The following SLIT3 variants were observed in gnomAD, a reference collection of about 807,000 sequenced individuals.
The protein encoded by SLIT3 is slit homolog 3 protein.
SLIT3 carries 68 observed loss-of-function variants against 184.0 expected under a neutral mutation model. The observed-to-expected ratio is 0.37, with a 90% confidence interval of 0.30 to 0.45. The LOEUF is 0.45. Among genes scored for constraint, SLIT3 ranks in the 20% least tolerant of loss-of-function variants. The pLI, the probability that SLIT3 is intolerant of heterozygous loss-of-function variation, is 1.00. For missense variants in SLIT3, 1,707 were observed against 2,026.0 expected, an observed-to-expected ratio of 0.84 and a Z score of 3.02; for synonymous variants, 831 against 828.6, an observed-to-expected ratio of 1.00 and a Z score of -0.05.
chr5:169,115,946 C>T (rs1175931396), intron 4 of SLIT3, among the ~76,000 whole-genome samples: 1 of 152,152 alleles, frequency 6.6e-6, no homozygotes, highest in Admixed American at 6.5e-5. Flanking sequence ...GACAACAGTC[C>T]TTGCCCTTAG....
At chr5:169,205,644 C>A (rs1351609565) in intron 3 of SLIT3, among the ~76,000 whole-genome samples, 1 of 152,192 alleles carries the variant, frequency 6.6e-6, no homozygotes, top group African/African-American at 2.4e-5. Flanking sequence ...ATCTACTCCA[C>A]TTATCTAACA....
At position 169,035,388 on chromosome 5, in the gene SLIT3, G is replaced by T. The variant is rs1168579664; in HGVS notation, c.414-152052C>A. ...ATTTAGGCCAGGCACAGTGGCTCAC[G>T]CCTGTAATCCCAAAACTTTGGGAGG... On this transcript the variant is annotated intron_variant, in intron 4 of 35. Coordinates refer to ENST00000519560, the MANE Select transcript of SLIT3 (RefSeq NM_003062.4). Among the ~76,000 whole-genome samples, 3 of 151,988 alleles carry T rather than the reference G, an allele frequency of 2.0e-5. No individual in the cohort carries two copies. The East Asian group carries it at 5.8e-4, about 29-fold the overall frequency.
At chr5:168,699,367 A>G (rs1762151061) in intron 27 of SLIT3, among the ~76,000 whole-genome samples, 2 of 152,172 alleles carry the variant, frequency 1.3e-5, no homozygotes, top group African/African-American at 4.8e-5. Flanking sequence ...ACACCCACAC[A>G]TGGCTTGGCA....
At chr5:168,929,708 G>T (rs1761931336) in intron 4 of SLIT3, among the ~76,000 whole-genome samples, 2 of 152,240 alleles carry the variant, frequency 1.3e-5, no homozygotes, top group Non-Finnish European at 2.9e-5. Flanking sequence ...TTGTACATGA[G>T]CAGATAGTAA....
chr5:168,817,585 C>G, intron 7 of SLIT3, 122 bp from the exon 8 acceptor site: 1 of 888,686 alleles, frequency 1.1e-6, no homozygotes, highest in Non-Finnish European at 1.7e-6. Context: ...TCCCTAGGAG[C>G]CCAGGGAAGC....
At chr5:169,076,896 C>T (rs1758763776) in intron 4 of SLIT3, among the ~76,000 whole-genome samples, 1 of 151,924 alleles carries the variant, frequency 6.6e-6, no homozygotes, top group Non-Finnish European at 1.5e-5. Flanking sequence ...TAAAAATATG[C>T]CCCAATTTTA....
intron 4 of SLIT3, among the ~76,000 whole-genome samples, chr5:169,005,192 G>T (rs183100779): frequency 5.9e-5 from 9 of 152,296 alleles, no homozygotes; most frequent in Non-Finnish European, 8.8e-5. Context: ...ACTTTTATAT[G>T]AACTGGGAAA....
At chr5:169,035,445 C>T (rs1436220229) in intron 4 of SLIT3, among the ~76,000 whole-genome samples, 1 of 151,878 alleles carries the variant, frequency 6.6e-6, no homozygotes, top group Non-Finnish European at 1.5e-5. Context: ...GTCAGGAGAT[C>T]GAGACCATCC....
intron 3 of SLIT3, among the ~76,000 whole-genome samples, chr5:169,238,543 C>CTT (rs71698425): frequency 0.18 from 20,618 of 116,962 alleles, 2,193 homozygotes; most frequent in East Asian, 0.27. Flanking sequence ...AGTGAAATAG[C>CTT]TTTTTTTTTT....
At chr5:169,213,257 G>A (rs979070371) in intron 3 of SLIT3, among the ~76,000 whole-genome samples, 21 of 136,622 alleles carry the variant, frequency 1.5e-4, no homozygotes, top group Non-Finnish European at 2.3e-4. Context: ...AACTTACAAG[G>A]GTTGTGAAGG....
At chr5:169,002,886 A>G (rs1581288347) in intron 4 of SLIT3, among the ~76,000 whole-genome samples, 1 of 152,242 alleles carries the variant, frequency 6.6e-6, no homozygotes, top group African/African-American at 2.4e-5. Flanking sequence ...TGTCTGTGAA[A>G]TTACAAACTT....
At chr5:168,707,784 T>C (rs1480280487) in intron 26 of SLIT3, 192 bp downstream of exon 26, 3 of 592,692 alleles carry the variant, frequency 5.1e-6, no homozygotes, top group Admixed American at 3.1e-5. Flanking sequence ...CCTCTCTGAC[T>C]GGCAGCTCCC....
chr5:169,207,260 G>T (rs1249918193), intron 3 of SLIT3, among the ~76,000 whole-genome samples: 1 of 151,972 alleles, frequency 6.6e-6, no homozygotes, highest in Admixed American at 6.6e-5. Context: ...CACTTACTGA[G>T]AAATAAATGA....
At chr5:169,138,965 G>A (rs1218601528) in intron 4 of SLIT3, among the ~76,000 whole-genome samples, 2 of 152,216 alleles carry the variant, frequency 1.3e-5, no homozygotes, top group African/African-American at 4.8e-5. Context: ...TCCACATCCA[G>A]CCCCACTGCT....
chr5:168,827,495 G>A (rs1581122375), intron 6 of SLIT3, among the ~76,000 whole-genome samples: 1 of 152,098 alleles, frequency 6.6e-6, no homozygotes, highest in Admixed American at 6.5e-5. Context: ...TGCTTCTGTT[G>A]TCACATCTCC....
At chr5:169,159,791 A>C (rs1160564989) in intron 4 of SLIT3, among the ~76,000 whole-genome samples, 2 of 152,234 alleles carry the variant, frequency 1.3e-5, no homozygotes, top group South Asian at 4.2e-4. Context: ...CAAACAAACA[A>C]AAAAAAGCAT....
chr5:169,172,848 GTC>G (rs563483952), intron 4 of SLIT3, among the ~76,000 whole-genome samples: 66 of 152,310 alleles, frequency 4.3e-4, no homozygotes, highest in Non-Finnish European at 3.7e-4. Context: ...TAAAGCACCA[GTC>G]TCGGAGTTGG....
In SLIT3 at chr5:168,665,590, C is replaced by T. The variant is rs918748803; in HGVS notation, c.*864G>A. 1 of 152,296 alleles carries T rather than the reference C, an allele frequency of 6.6e-6. No homozygotes were observed. The highest frequency in any genetic ancestry group is 2.4e-5 in the African/African-American group (1 of 41,466). The allele number at this position is 152,296 out of a possible 1,614,324, so 9.4% of individuals were successfully genotyped here. A position where few individuals can be genotyped will look rare whatever the true frequency, so the allele number is the denominator to read the frequency against. ...TCCTGGGGAGGAGCAGGAAAAATAG[C>T]AGCTGTTTTAAAATTTGGTAAGACA... On this transcript the variant is annotated 3_prime_UTR_variant, in exon 36 of 36. Transcript: ENST00000519560.
rs547221349 is a variant in SLIT3 at position 169,038,382 on chromosome 5, T to C, written c.414-155046A>G. On this transcript the variant is annotated intron_variant, in intron 4 of 35. Transcript: ENST00000519560. ...TTACAATGTACACATATGGAATACATTCACACCAAATACTGGTATATGCAC... is the reference window on the plus strand; with the variant it reads ...TTACAATGTACACATATGGAATACACTCACACCAAATACTGGTATATGCAC... Among the ~76,000 whole-genome samples the C allele has an allele frequency of 2.1e-4, 32 of 152,358 alleles. No homozygotes were observed. The Middle Eastern group carries it at 0.01, about 49-fold the overall frequency.
Sources: gnomAD v4.1 joint callset for allele counts (sites outside exome capture counted in the v4.1 genomes callset) on GRCh38, gnomAD v4.1.1 for gene constraint, MANE v1.5 for transcripts, NCBI Gene and HGNC (gene_info 2026-07-23, HGNC 2026-07-21) for gene names.